Variants in DNAI7 observed in about 807,000 individuals in gnomAD.
DNAI7 encodes the protein dynein axonemal intermediate chain 7.
In DNAI7, 78 loss-of-function variants were observed where a neutral mutation model predicts 86.6. The observed-to-expected ratio is 0.90, with a 90% CI of 0.75 to 1.09. DNAI7 has a LOEUF of 1.09. Ranked by LOEUF, DNAI7 falls within the 50% of genes least tolerant of loss-of-function variation. DNAI7 has a pLI of 0.00. For synonymous variants in DNAI7, 274 were observed against 273.0 expected, an observed-to-expected ratio of 1.00 and a Z score of -0.04; for missense variants, 753 against 810.2, an observed-to-expected ratio of 0.93 and a Z score of 0.86.
At chr12:25,152,755 T>G (rs994699612) in intron 6 of DNAI7, among the ~76,000 whole-genome samples, 2 of 152,138 alleles carry the variant, frequency 1.3e-5, no homozygotes, top group African/African-American at 4.8e-5. Context: ...CTGCACTAGC[T>G]CTAAGTACTC....
chr12:25,146,137 G>A (rs979190330), intron 8 of DNAI7, among the ~76,000 whole-genome samples: 3 of 150,916 alleles, frequency 2.0e-5, no homozygotes, highest in Non-Finnish European at 4.4e-5. Context: ...CAGGAGAATC[G>A]CTTGAACACA....
intron 4 of DNAI7, among the ~76,000 whole-genome samples, chr12:25,157,574 TTA>T (rs1946333355): frequency 6.6e-6 from 1 of 152,184 alleles, no homozygotes; most frequent in Non-Finnish European, 1.5e-5. Flanking sequence ...ATGTATTTAC[TTA>T]TGTTTAATAA....
rs774118536 is a variant in DNAI7, at chr12:25,123,198, T to TA, written c.1078+12dup. ...TCAATAAAGTTAAATTCTTAAAATG[T>TA]AATTTAGAATACCTGCTGAAACAGT... On this transcript the variant is annotated intron_variant, in intron 10 of 15. Coordinates refer to ENST00000395987, the MANE Select transcript of DNAI7 (RefSeq NM_018272.5). 4.0e-6 allele frequency: 6 copies of TA among 1,515,046 alleles called. No homozygotes were observed. Among genetic ancestry groups the TA allele is most frequent in the Non-Finnish European group, 2.7e-6 (3 of 1,103,684 alleles). The allele number at this position is 1,515,046 out of a possible 1,614,324, so 93.9% of individuals were successfully genotyped here. A position where few individuals can be genotyped will look rare whatever the true frequency, so the allele number is the denominator to read the frequency against.
At chr12:25,181,012 TG>T (rs1353930002) in intron 2 of DNAI7, among the ~76,000 whole-genome samples, 1 of 152,168 alleles carries the variant, frequency 6.6e-6, no homozygotes, top group Non-Finnish European at 1.5e-5. Context: ...TTCGCCATGT[TG>T]GGCAGGCTGA....
intron 2 of DNAI7, among the ~76,000 whole-genome samples, chr12:25,174,606 T>G (rs1276167305): frequency 8.1e-5 from 10 of 123,378 alleles, no homozygotes; most frequent in African/African-American, 2.6e-4. Flanking sequence ...ATATATATGA[T>G]ATATATATCA....
intron 7 of DNAI7, among the ~76,000 whole-genome samples, 180 bp from the exon 8 acceptor site, chr12:25,147,284 A>T (rs1423757641): frequency 6.6e-6 from 1 of 152,174 alleles, no homozygotes; most frequent in Non-Finnish European, 1.5e-5. Context: ...TTCTCTAAAA[A>T]TGCAAACATA....
intron 9 of DNAI7, among the ~76,000 whole-genome samples, chr12:25,127,043 A>G (rs1942236303): frequency 6.6e-6 from 1 of 152,188 alleles, no homozygotes; most frequent in African/African-American, 2.4e-5. Flanking sequence ...CATATAACAC[A>G]TTGCCTTTAC....
intron 9 of DNAI7, among the ~76,000 whole-genome samples, chr12:25,143,283 C>T (rs1353543212): frequency 7.0e-6 from 1 of 143,204 alleles, no homozygotes; most frequent in East Asian, 2.0e-4. Flanking sequence ...AAGTCTCACT[C>T]TGTCACCCAG....
At position 25,108,427 on chromosome 12, in the gene DNAI7, T is replaced by TTTCTACTCA. The variant is rs1438030491; in HGVS notation, c.*120_*121insTGAGTAGAA. On this transcript the variant is annotated 3_prime_UTR_variant, in exon 16 of 16. Transcript: ENST00000395987. Reference sequence around the variant, plus strand: ...TAAAACTTGAGTAGAAAATGCAGATTAGAAAATTTTTAATAGTTGATTTGA... The same window carrying TTTCTACTCA: ...TAAAACTTGAGTAGAAAATGCAGATTTTCTACTCAAGAAAATTTTTAATAGTTGATTTGA... The TTTCTACTCA allele has an allele frequency of 1.2e-6, 1 of 855,162 alleles. No homozygotes were observed. The highest frequency in any genetic ancestry group is 1.7e-5 in the African/African-American group (1 of 58,066). 53.0% of individuals were successfully genotyped at this position (855,162 alleles called of 1,614,324 possible).
intron 9 of DNAI7, among the ~76,000 whole-genome samples, chr12:25,138,260 T>C (rs1349589652): frequency 6.6e-6 from 1 of 152,026 alleles, no homozygotes; most frequent in Admixed American, 6.6e-5. Context: ...GATCAGGAGG[T>C]GGAGACCAGC....
intron 2 of DNAI7, among the ~76,000 whole-genome samples, chr12:25,176,997 G>A (rs111974328): frequency 3.7e-4 from 55 of 148,254 alleles, no homozygotes; most frequent in Non-Finnish European, 4.7e-4. Flanking sequence ...CCACCTCCCA[G>A]GTTCAAGCAA....
rs140671974 is a variant in DNAI7 at position 25,147,067 on chromosome 12, A to G, written c.623T>C (p.Met208Thr). Residue 208 changes from methionine (M) to threonine (T), a missense_variant, in exon 8 of 16, where the codon ATG becomes ACG. Coordinates refer to ENST00000395987, the MANE Select transcript of DNAI7 (RefSeq NM_018272.5). ...ATTTTCATCTTTAATGACTTTTTCCATATTTCCACTGTCCAGATCTGCCAA... is the reference window on the plus strand; with the variant it reads ...ATTTTCATCTTTAATGACTTTTTCCGTATTTCCACTGTCCAGATCTGCCAA... ...STLADLDSGN[M>T]EKVIKDENVT... The G allele has an allele frequency of 4.5e-5, 72 of 1,608,280 alleles. No individual in the cohort carries two copies. Among genetic ancestry groups the G allele is most frequent in the Non-Finnish European group, 5.9e-5 (69 of 1,174,774 alleles).
At chr12:25,125,931 C>T (rs1942069126) in intron 9 of DNAI7, among the ~76,000 whole-genome samples, 1 of 152,046 alleles carries the variant, frequency 6.6e-6, no homozygotes, top group African/African-American at 2.4e-5. Flanking sequence ...AGATGTGTGG[C>T]CTTATTTCTG....
chr12:25,174,706 A>ATATATGGAATATATATAT (rs1948757875), intron 2 of DNAI7, among the ~76,000 whole-genome samples: 12 of 113,874 alleles, frequency 1.1e-4, no homozygotes, highest in African/African-American at 1.6e-4. Context: ...TAGATATCAT[A>ATATATGGAATATATATAT]CATATGGAAT....
At chr12:25,189,372 G>A (rs993731383) in intron 2 of DNAI7, among the ~76,000 whole-genome samples, 17 of 152,200 alleles carry the variant, frequency 1.1e-4, no homozygotes, top group African/African-American at 4.1e-4. Context: ...CAGGCGCAGT[G>A]ACTCATGCCT....
chr12:25,174,542 T>TATATATGATATATATATCATATATATGGG lies in DNAI7; in HGVS notation c.22-13346_22-13345insCCCATATATATGATATATATATCATATAT, dbSNP rs1948673164. Reference sequence around the variant, plus strand: ...TATCATATATATCATATATATGGGATATATATATGATATATATATCATATA... The same window carrying TATATATGATATATATATCATATATATGGG: ...TATCATATATATCATATATATGGGATATATATGATATATATATCATATATATGGGATATATATGATATATATATCATATA... On this transcript the variant is annotated intron_variant, in intron 2 of 15. Transcript: ENST00000395987. Among the ~76,000 whole-genome samples, 2 of 75,940 alleles carry TATATATGATATATATATCATATATATGGG rather than the reference T, an allele frequency of 2.6e-5. 1 individual carries two copies. Among genetic ancestry groups the TATATATGATATATATATCATATATATGGG allele is most frequent in the African/African-American group, 1.0e-4 (2 of 19,172 alleles). 49.8% of individuals were successfully genotyped at this position (75,940 alleles called of 152,430 possible).
chr12:25,154,222 G>T (rs1040938748), intron 6 of DNAI7, 97 bp downstream of exon 6: 2 of 944,952 alleles, frequency 2.1e-6, no homozygotes, highest in African/African-American at 1.7e-5. Flanking sequence ...AAAAGCAGTA[G>T]TGTTATTACT....
intron 9 of DNAI7, among the ~76,000 whole-genome samples, chr12:25,140,983 TG>T (rs1348954322): frequency 6.6e-6 from 1 of 152,094 alleles, no homozygotes; most frequent in East Asian, 1.9e-4. Flanking sequence ...ATTCAACAAA[TG>T]GTGCTGGAAT....
At position 25,108,508 on chromosome 12, in the gene DNAI7, C is replaced by T. The variant is rs1949415916; in HGVS notation, c.*40G>A. 1 of 1,552,038 alleles carries T rather than the reference C, an allele frequency of 6.4e-7. No individual in the cohort carries two copies. Among genetic ancestry groups the T allele is most frequent in the Non-Finnish European group, 8.8e-7 (1 of 1,138,776 alleles). On this transcript the variant is annotated 3_prime_UTR_variant, in exon 16 of 16. Coordinates refer to ENST00000395987, the MANE Select transcript of DNAI7 (RefSeq NM_018272.5). ...GCAGAAATACCTGTCTTTCACCATG[C>T]TTGGTTCTTCATACTTACAATACAG...
Sources: gnomAD v4.1 joint callset for allele counts (sites outside exome capture counted in the v4.1 genomes callset) on GRCh38, gnomAD v4.1.1 for gene constraint, MANE v1.5 for transcripts, NCBI Gene and HGNC (gene_info 2026-07-23, HGNC 2026-07-21) for gene names.